The following UTP25 variants were observed in gnomAD, a reference collection of about 807,000 sequenced individuals.
UTP25 encodes U3 small nucleolar RNA-associated protein 25 homolog.
Under a neutral mutation model 78.9 loss-of-function variants are expected in UTP25, and 50 were observed. The observed-to-expected ratio is 0.63, with a 90% confidence interval of 0.50 to 0.80. The LOEUF is 0.80. UTP25 is among the 30% of genes least tolerant of loss of function. The probability of loss-of-function intolerance (pLI) is 0.00; values close to 1 mark genes in which losing one functional copy is unlikely to be tolerated. For missense variants in UTP25, 846 were observed against 911.3 expected (o/e 0.93, Z 0.92); for synonymous variants, 329 against 336.5 (o/e 0.98, Z 0.24).
rs561252969 is a variant in UTP25, at chr1:209,843,519, A to G, written c.1850A>G (p.Tyr617Cys). 11 of 1,614,164 alleles carry G rather than the reference A, an allele frequency of 6.8e-6. No individual in the cohort carries two copies. The highest frequency in any genetic ancestry group is 5.0e-5 in the Admixed American group (3 of 60,018). The stretch of plus-strand genomic sequence containing the variant: ...GCAGTCATGTCTCACACGCTCATCT[A>G]TATCCCCTCCTACTTTGACTTCGTG... ...RDAVMSHTLI[Y>C]IPSYFDFVRL... Residue 617 changes from tyrosine (Y) to cysteine (C), a missense_variant, in exon 11 of 12, where the codon TAT becomes TGT. Coordinates refer to ENST00000491415, the MANE Select transcript of UTP25 (RefSeq NM_014388.7).
At chr1:209,832,907 G>A (rs918813653) in intron 3 of UTP25, among the ~76,000 whole-genome samples, 10 of 151,934 alleles carry the variant, frequency 6.6e-5, no homozygotes, top group Admixed American at 5.2e-4. Flanking sequence ...ATAAATAAAC[G>A]CTCATCCAAA....
intron 11 of UTP25, chr1:209,844,468 T>C (rs2078184747): frequency 6.6e-6 from 1 of 152,080 alleles, no homozygotes; most frequent in Admixed American, 6.6e-5. Flanking sequence ...CCGTTTCTAC[T>C]AAAAATATAA....
At chr1:209,832,991 A>T (rs992705650) in intron 3 of UTP25, among the ~76,000 whole-genome samples, 194 bp from the exon 4 acceptor site, 7 of 152,252 alleles carry the variant, frequency 4.6e-5, no homozygotes, top group Non-Finnish European at 7.3e-5. Flanking sequence ...AAATTGAGAC[A>T]TAAAACCCAC....
intron 11 of UTP25, among the ~76,000 whole-genome samples, chr1:209,845,195 A>G (rs2078191055): frequency 6.6e-6 from 1 of 152,192 alleles, no homozygotes; most frequent in African/African-American, 2.4e-5. Context: ...TTGAGGATTG[A>G]TTAAATTTGT....
rs1203249818 is a variant in UTP25 at position 209,838,903 on chromosome 1, G to A, written c.1063-6G>A. On this transcript the variant is annotated splice_region_variant and splice_polypyrimidine_tract_variant and intron_variant, in intron 6 of 11. Coordinates refer to ENST00000491415, the MANE Select transcript of UTP25 (RefSeq NM_014388.7). ...CCCACTAAGGCTGCTGTTGCTGTCT[G>A]CACAGGTACTGATAGTGGTGCCATT... 4 of 1,613,996 alleles carry A rather than the reference G, an allele frequency of 2.5e-6. No homozygotes were observed. The highest frequency in any genetic ancestry group is 3.4e-6 in the Non-Finnish European group (4 of 1,179,932).
intron 7 of UTP25, among the ~76,000 whole-genome samples, chr1:209,840,486 TC>T (rs2078160647): frequency 6.6e-6 from 1 of 152,204 alleles, no homozygotes; most frequent in South Asian, 2.1e-4. Flanking sequence ...AAAGTGTTCA[TC>T]CTGTTGGTGA....
chr1:209,831,991 T>TG (rs1491525970), intron 3 of UTP25, among the ~76,000 whole-genome samples: 9 of 138,870 alleles, frequency 6.5e-5, no homozygotes, highest in African/African-American at 2.0e-4. Flanking sequence ...CTTATAGCCT[T>TG]ATTTTTTTTT....
intron 8 of UTP25, among the ~76,000 whole-genome samples, chr1:209,841,876 C>G (rs1480466025): frequency 6.6e-6 from 1 of 152,220 alleles, no homozygotes; most frequent in African/African-American, 2.4e-5. Context: ...CAGGGTGACA[C>G]TGCAACTATT....
rs1295519643 is a variant in UTP25 at position 209,842,583 on chromosome 1, G to T, written c.1669G>T (p.Val557Leu). Residue 557 changes from valine to leucine, a missense_variant and splice_region_variant, in exon 10 of 12, where the codon GTG becomes TTG. Coordinates refer to ENST00000491415, the MANE Select transcript of UTP25 (RefSeq NM_014388.7). ...NKYCVNMQGQ[V>L]AVRNVPMTGS... ...TAACGCTCTTGTTGACTACTGGCAG[G>T]TGGCCGTGAGGAATGTCCCAATGAC... 6.2e-7 allele frequency: 1 copy of T among 1,613,862 alleles called. No individual in the cohort carries two copies. Among genetic ancestry groups the T allele is most frequent in the Non-Finnish European group, 8.5e-7 (1 of 1,179,898 alleles).
At position 209,851,100 on chromosome 1, in the gene UTP25, G is replaced by C. The variant is rs60079073; in HGVS notation, c.2028-104G>C. 21,345 of 1,303,870 alleles carry C rather than the reference G, an allele frequency of 0.016. 1,522 individuals are homozygous for C. In the African/African-American group the frequency reaches 0.2, roughly 12 times the overall value. The allele number at this position is 1,303,870 out of a possible 1,614,324, so 80.8% of individuals were successfully genotyped here. A position where few individuals can be genotyped will look rare whatever the true frequency, so the allele number is the denominator to read the frequency against. On this transcript the variant is annotated intron_variant, in intron 11 of 11. Transcript: ENST00000491415. The stretch of plus-strand genomic sequence containing the variant: ...CTTGTGCCACTGTTTTTCTCCATTA[G>C]CAGGAAGCAACAAGCATGAACTATG...
intron 4 of UTP25, among the ~76,000 whole-genome samples, chr1:209,834,285 T>G (rs748006491): frequency 1.3e-5 from 2 of 152,252 alleles, no homozygotes; most frequent in Non-Finnish European, 2.9e-5. Context: ...GCATTTCATT[T>G]GAAATTTTAC....
At position 209,837,040 on chromosome 1, in the gene UTP25, G is replaced by C. The variant is rs2078137296; in HGVS notation, c.891G>C (p.Arg297Ser). 2.5e-6 allele frequency: 4 copies of C among 1,614,000 alleles called. No homozygotes were observed. The highest frequency in any genetic ancestry group is 3.4e-6 in the Non-Finnish European group (4 of 1,180,024). Residue 297 changes from arginine (R) to serine (S), a missense_variant, in exon 6 of 12, where the codon AGG becomes AGC. Coordinates refer to ENST00000491415, the MANE Select transcript of UTP25 (RefSeq NM_014388.7). ...ACCGGGACCTGTTCTACCCGGAAAG[G>C]ACTGCTCTGAAGAACGGGGAAGAGA... ...NSYRDLFYPE[R>S]TALKNGEEIR...
chr1:209,844,688 CCTT>C (rs926832736), intron 11 of UTP25: 6 of 150,044 alleles, frequency 4.0e-5, no homozygotes, highest in Non-Finnish European at 8.8e-5. Flanking sequence ...TAATACTGAG[CCTT>C]CTATTACTGT....
In UTP25 at chr1:209,830,789, C is replaced by G; in HGVS notation, c.148-14C>G. The G allele has an allele frequency of 6.2e-7, 1 of 1,609,870 alleles. No individual in the cohort carries two copies. The highest frequency in any genetic ancestry group is 8.5e-7 in the Non-Finnish European group (1 of 1,178,086). On this transcript the variant is annotated splice_polypyrimidine_tract_variant and intron_variant, in intron 2 of 11. Coordinates refer to ENST00000491415, the MANE Select transcript of UTP25 (RefSeq NM_014388.7). ...ATATAGTTTTTGTTCTTAAAATTCT[C>G]CTTTTCCTTTTAGTCAGAGAGTTCA...
Position 209,843,442 on chromosome 1 carries a change from C to T in UTP25, c.1782-9C>T, listed in dbSNP as rs770819268. On this transcript the variant is annotated splice_polypyrimidine_tract_variant and intron_variant, in intron 10 of 11. Coordinates refer to ENST00000491415, the MANE Select transcript of UTP25 (RefSeq NM_014388.7). ...GACATTAATTTTGCCCTTTGCCATTCCAAATCAGGTTTAACTTTTTTGTGA... is the reference window on the plus strand; with the variant it reads ...GACATTAATTTTGCCCTTTGCCATTTCAAATCAGGTTTAACTTTTTTGTGA... 1 of 1,613,226 alleles carries T rather than the reference C, an allele frequency of 6.2e-7. No individual in the cohort carries two copies. The highest frequency in any genetic ancestry group is 2.2e-5 in the East Asian group (1 of 44,872).
chr1:209,836,786 C>T lies in UTP25; in HGVS notation c.652-15C>T. 1 of 1,564,222 alleles carries T rather than the reference C, an allele frequency of 6.4e-7. No individual in the cohort carries two copies. On this transcript the variant is annotated splice_polypyrimidine_tract_variant and intron_variant, in intron 5 of 11. Coordinates refer to ENST00000491415, the MANE Select transcript of UTP25 (RefSeq NM_014388.7). ...ATTCATTTCTAATTTGGCTCTTGAT[C>T]TGTTTCTCCCCTAGTGGCCTATTCT...
chr1:209,852,099 G>A lies in UTP25; in HGVS notation c.*652G>A, dbSNP rs1442926526. 1 of 152,166 alleles carries A rather than the reference G, an allele frequency of 6.6e-6. No homozygotes were observed. The highest frequency in any genetic ancestry group is 2.4e-5 in the African/African-American group (1 of 41,448). 9.4% of individuals were successfully genotyped at this position (152,166 alleles called of 1,614,324 possible). A position where few individuals can be genotyped will look rare whatever the true frequency, so the allele number is the denominator to read the frequency against. ...AAACACATCAGCTCTGTCTCAAGAA[G>A]TAATTTTGTTGAAACTCCATGTTAA... On this transcript the variant is annotated 3_prime_UTR_variant, in exon 12 of 12. Transcript: ENST00000491415.
At chr1:209,847,912 T>A (rs1270474912) in intron 11 of UTP25, among the ~76,000 whole-genome samples, 1 of 152,250 alleles carries the variant, frequency 6.6e-6, no homozygotes, top group East Asian at 1.9e-4. Context: ...GAAACCCTCA[T>A]CCAGAATAAC....
intron 11 of UTP25, among the ~76,000 whole-genome samples, chr1:209,849,960 G>C (rs558034311): frequency 6.6e-6 from 1 of 152,274 alleles, no homozygotes; most frequent in Admixed American, 6.5e-5. Context: ...ACATCTCTGG[G>C]TCAGCAGCAT....
Sources: allele counts gnomAD v4.1 joint callset (sites outside exome capture counted in the v4.1 genomes callset), GRCh38; gene constraint gnomAD v4.1.1; transcripts MANE v1.5; gene names NCBI Gene and HGNC (gene_info 2026-07-23, HGNC 2026-07-21).